Variants in CEP63 observed in about 807,000 individuals in gnomAD.
CEP63 encodes the protein centrosomal protein 63.
A neutral mutation model predicts 89.1 loss-of-function variants in CEP63; 84 were observed. The ratio of observed to expected loss-of-function variants is 0.94; its 90% CI spans 0.79 to 1.13. The LOEUF (loss-of-function observed/expected upper bound fraction) is 1.13, where lower values mean the gene tolerates loss of function less well. CEP63 is among the 50% of genes most tolerant of loss of function. CEP63 has a pLI of 0.00. For missense variants in CEP63, 838 were observed against 813.3 expected (o/e 1.03, Z -0.37); for synonymous variants, 267 against 272.5 (o/e 0.98, Z 0.20).
At chr3:134,581,144 A>G (rs983831257) in intron 10 of CEP63, among the ~76,000 whole-genome samples, 5 of 152,224 alleles carry the variant, frequency 3.3e-5, no homozygotes, top group African/African-American at 1.2e-4. Flanking sequence ...AGGAAAGAAC[A>G]CAGCCCTGTT....
chr3:134,548,612 A>G (rs1251745287), intron 9 of CEP63, among the ~76,000 whole-genome samples: 2 of 152,226 alleles, frequency 1.3e-5, no homozygotes. Context: ...GGCAAACAAC[A>G]AGAGAAATAT....
chr3:134,665,820 CAGAG>C, the CEP63 span, among the ~76,000 whole-genome samples: 1 of 150,994 alleles, frequency 6.6e-6, no homozygotes, highest in East Asian at 2.0e-4. Context: ...AGCAGAAAGG[CAGAG>C]AGACAAATAT....
intron 3 of CEP63, among the ~76,000 whole-genome samples, chr3:134,526,854 T>C (rs1195189463): frequency 1.3e-5 from 2 of 152,164 alleles, no homozygotes; most frequent in African/African-American, 4.8e-5. Context: ...ACTGGCTTTG[T>C]TTCTGGAAGA....
the CEP63 span, among the ~76,000 whole-genome samples, chr3:134,702,034 A>G: frequency 6.6e-6 from 1 of 152,208 alleles, no homozygotes; most frequent in Non-Finnish European, 1.5e-5. Flanking sequence ...GGACAAATCA[A>G]TGTGCAAAAA....
chr3:134,711,204 A>T, the CEP63 span, among the ~76,000 whole-genome samples: 1 of 152,242 alleles, frequency 6.6e-6, no homozygotes, highest in Non-Finnish European at 1.5e-5. Flanking sequence ...TTCTACAGTT[A>T]CATTTCTTTT....
chr3:134,672,791 G>A, the CEP63 span, among the ~76,000 whole-genome samples: 7 of 152,222 alleles, frequency 4.6e-5, no homozygotes, highest in South Asian at 1.5e-3. Flanking sequence ...TGGATACCTG[G>A]CCCCTTGCCC....
intron 1 of CEP63, among the ~76,000 whole-genome samples, chr3:134,490,546 T>C (rs1198462016): frequency 1.3e-5 from 2 of 152,074 alleles, no homozygotes; most frequent in Admixed American, 6.6e-5. Context: ...CAAGTTGATA[T>C]CTAGTTGGTA....
At chr3:134,695,187 GA>G in the CEP63 span, among the ~76,000 whole-genome samples, 1 of 152,144 alleles carries the variant, frequency 6.6e-6, no homozygotes, top group African/African-American at 2.4e-5. Context: ...GCAAAGTCAA[GA>G]GCCACTAATG....
At chr3:134,776,263 T>C in the CEP63 span, among the ~76,000 whole-genome samples, 1 of 152,210 alleles carries the variant, frequency 6.6e-6, no homozygotes, top group East Asian at 1.9e-4. Context: ...AATAGAAATA[T>C]AATGCAAGCC....
At chr3:134,586,701 G>A (rs1299133837) in intron 10 of CEP63, among the ~76,000 whole-genome samples, 1 of 152,066 alleles carries the variant, frequency 6.6e-6, no homozygotes, top group African/African-American at 2.4e-5. Context: ...GTATCTCTGT[G>A]GTGTTCTCTG....
chr3:134,676,238 A>G, the CEP63 span, among the ~76,000 whole-genome samples: 2 of 152,258 alleles, frequency 1.3e-5, no homozygotes, highest in Non-Finnish European at 2.9e-5. Flanking sequence ...AATGGAATAT[A>G]TTTAGGCATG....
Position 134,561,523 on chromosome 3 carries a change from A to C in CEP63, c.2100A>C (p.Thr700=). ...RESEKTVRQF[T]ALK ...GTGAAAAGACAGTGAGACAATTCACAGCCTTAAAGTAGCCTCTTAAAAAAA... is the reference window on the plus strand; with the variant it reads ...GTGAAAAGACAGTGAGACAATTCACCGCCTTAAAGTAGCCTCTTAAAAAAA... The change falls in exon 15 of 15, where the codon ACA becomes ACC. Residue 700 remains threonine (T), a synonymous_variant. Transcript: ENST00000675561. 1 of 1,613,702 alleles carries C rather than the reference A, an allele frequency of 6.2e-7. No individual in the cohort carries two copies. The highest frequency in any genetic ancestry group is 2.2e-5 in the East Asian group (1 of 44,814).
chr3:134,619,606 T>C, the CEP63 span, among the ~76,000 whole-genome samples: 1 of 152,126 alleles, frequency 6.6e-6, no homozygotes, highest in Admixed American at 6.5e-5. Context: ...ACTCATCCCG[T>C]TTTCCTGCAG....
intron 3 of CEP63, among the ~76,000 whole-genome samples, chr3:134,528,659 A>G (rs1434347034): frequency 1.3e-5 from 2 of 151,472 alleles, no homozygotes; most frequent in Non-Finnish European, 2.9e-5. Flanking sequence ...TTACATACTG[A>G]TGTGCTTGAT....
the CEP63 span, among the ~76,000 whole-genome samples, chr3:134,695,299 A>T: frequency 6.6e-6 from 1 of 152,234 alleles, no homozygotes; most frequent in Non-Finnish European, 1.5e-5. Context: ...CTTTGAAACC[A>T]AATGTTCCCC....
chr3:134,517,485 A>G (rs899274200), intron 3 of CEP63, among the ~76,000 whole-genome samples: 7 of 152,220 alleles, frequency 4.6e-5, no homozygotes, highest in Non-Finnish European at 7.3e-5. Context: ...TAATTTTTAT[A>G]TATAGAATAT....
the CEP63 span, chr3:134,639,789 C>T: frequency 5.8e-3 from 848 of 146,334 alleles, 12 homozygotes; most frequent in African/African-American, 0.02. Flanking sequence ...CTACAAAAAA[C>T]GAAAAAAAAA....
At chr3:134,720,293 C>T in the CEP63 span, among the ~76,000 whole-genome samples, 1 of 151,976 alleles carries the variant, frequency 6.6e-6, no homozygotes, top group African/African-American at 2.4e-5. Context: ...ACTTTTTTCC[C>T]ATTAAAAAAT....
chr3:134,546,038 G>A (rs577893093), intron 7 of CEP63, 111 bp from the exon 8 acceptor site: 10 of 1,224,280 alleles, frequency 8.2e-6, no homozygotes, highest in Admixed American at 7.1e-5. Flanking sequence ...CTGGCTTCTC[G>A]TGAAATAGAA....
Sources: gnomAD v4.1 joint callset for allele counts (sites outside exome capture counted in the v4.1 genomes callset) on GRCh38, gnomAD v4.1.1 for gene constraint, MANE v1.5 for transcripts, NCBI Gene and HGNC (gene_info 2026-07-23, HGNC 2026-07-21) for gene names.